The following RPSA variants were observed in gnomAD, a reference collection of about 807,000 sequenced individuals.
RPSA encodes small ribosomal subunit protein uS2.
For synonymous variants in RPSA, 103 were observed against 126.7 expected (o/e 0.81, Z 1.25); for missense variants, 140 against 372.8 (o/e 0.38, Z 5.14).
chr3:39,408,769 T>TA, intron 3 of RPSA, 45 bp downstream of exon 3: 2 of 1,076,068 alleles, frequency 1.9e-6, no homozygotes, highest in Non-Finnish European at 2.9e-6. Context: ...AAATAAAGCT[T>TA]ACAGACATTG....
At chr3:39,410,558 T>G in intron 3 of RPSA, 196 bp from the exon 4 acceptor site, 1 of 629,740 alleles carries the variant, frequency 1.6e-6, no homozygotes, top group South Asian at 1.9e-5. Flanking sequence ...GGATATATAG[T>G]AGAAAAACAA....
At chr3:39,407,569 G>T (rs1345159397) in intron 1 of RPSA, 52 bp from the exon 2 acceptor site, 3 of 1,362,010 alleles carry the variant, frequency 2.2e-6, no homozygotes, top group Non-Finnish European at 3.1e-6. Flanking sequence ...TTAAGGGTGT[G>T]CCCTACTTAA....
chr3:39,409,041 G>A (rs1319855239), intron 3 of RPSA: 4 of 245,978 alleles, frequency 1.6e-5, no homozygotes, highest in East Asian at 8.5e-5. Flanking sequence ...GCTGAGATGC[G>A]CCACTGTACT....
At chr3:39,410,717 G>T in intron 3 of RPSA, 37 bp from the exon 4 acceptor site, 1 of 1,613,744 alleles carries the variant, frequency 6.2e-7, no homozygotes, top group Non-Finnish European at 8.5e-7. Context: ...TGTTGCTGTG[G>T]AATATCGAGT....
chr3:39,411,835 T>C (rs955636217), intron 5 of RPSA, 58 bp downstream of exon 5: 89 of 1,599,432 alleles, frequency 5.6e-5, no homozygotes, highest in Non-Finnish European at 7.2e-5. Context: ...TGGACTGTGC[T>C]TCTAGGAAGC....
At chr3:39,408,264 T>TG (rs1383807711) in intron 2 of RPSA, 2 of 460,334 alleles carry the variant, frequency 4.3e-6, no homozygotes, top group Non-Finnish European at 8.2e-6. Context: ...GGATGAATCT[T>TG]GCATCAGTGC....
In RPSA at chr3:39,410,939, G is replaced by T. The variant is rs200785492; in HGVS notation, c.438G>T (p.Ala146=). 6 of 1,595,424 alleles carry T rather than the reference G, an allele frequency of 3.8e-6. 1 individual carries two copies. The South Asian group carries it at 5.5e-5, about 15-fold the overall frequency. The change falls in exon 4 of 7, where the codon GCG becomes GCT. Residue 146 remains alanine (A), a synonymous_variant. Coordinates refer to ENST00000301821, the MANE Select transcript of RPSA (RefSeq NM_002295.6). ...CTTATGTTAACCTACCTACCATTGC[G>T]CTGTGTAACACAGATTCTCCTCTGC... is the stretch of plus-strand genomic sequence containing the variant. ...EASYVNLPTI[A]LCNTDSPLRY...
intron 4 of RPSA, 180 bp from the exon 5 acceptor site, chr3:39,411,469 C>G (rs1345240005): frequency 1.5e-6 from 1 of 659,322 alleles, no homozygotes; most frequent in Non-Finnish European, 2.5e-6. Flanking sequence ...TTTTCAATCC[C>G]TATGATTCCA....
At chr3:39,407,294 C>T (rs2041933310) in intron 1 of RPSA, among the ~76,000 whole-genome samples, 1 of 152,174 alleles carries the variant, frequency 6.6e-6, no homozygotes, top group Non-Finnish European at 1.5e-5. Flanking sequence ...TTGCATATTC[C>T]AAACATGGCT....
intron 2 of RPSA, 83 bp downstream of exon 2, chr3:39,407,869 ATTTC>A (rs1271810635): frequency 4.8e-5 from 51 of 1,055,210 alleles, no homozygotes; most frequent in Non-Finnish European, 6.5e-5. Flanking sequence ...GTTCTGGGTA[ATTTC>A]TTTCTATCTT....
chr3:39,411,878 T>C lies in RPSA; in HGVS notation c.628-18T>C. ...GTCAGTCCCTGTAAGTCTTTCCTCT[T>C]TTTTTTTTGTAACCCAGATTGAAAA... On this transcript the variant is annotated intron_variant, in intron 5 of 6. Coordinates refer to ENST00000301821, the MANE Select transcript of RPSA (RefSeq NM_002295.6). The C allele has an allele frequency of 6.3e-7, 1 of 1,586,476 alleles. No individual in the cohort carries two copies. The highest frequency in any genetic ancestry group is 8.5e-7 in the Non-Finnish European group (1 of 1,170,430).
At chr3:39,412,137 G>C in intron 6 of RPSA, 76 bp downstream of exon 6, 2 of 1,459,210 alleles carry the variant, frequency 1.4e-6, no homozygotes, top group South Asian at 1.1e-5. Context: ...AATGATCTCT[G>C]TGACTTTTAT....
At position 39,410,743 on chromosome 3, in the gene RPSA, A is replaced by T; in HGVS notation, c.253-11A>T. 4 of 1,613,860 alleles carry T rather than the reference A, an allele frequency of 2.5e-6. No homozygotes were observed. The highest frequency in any genetic ancestry group is 3.4e-6 in the Non-Finnish European group (4 of 1,179,852). ...AATATCGAGTACCACTAACTTTTAA[A>T]TTCTTCAAAGAGGGCTGTGCTGAAG... is the stretch of plus-strand genomic sequence containing the variant. On this transcript the variant is annotated splice_polypyrimidine_tract_variant and intron_variant, in intron 3 of 6. Transcript: ENST00000301821.
At chr3:39,406,823 C>G (rs561475606) in intron 1 of RPSA, 59 bp downstream of exon 1, 13 of 455,228 alleles carry the variant, frequency 2.9e-5, no homozygotes, top group African/African-American at 2.6e-4. Context: ...GCTTTTCCTG[C>G]TCAAATGAAG....
At chr3:39,407,046 A>AT in intron 1 of RPSA, 1 of 454,792 alleles carries the variant, frequency 2.2e-6, no homozygotes, top group South Asian at 1.6e-5. Flanking sequence ...GCGGGCTAAC[A>AT]TCCTGTGTTG....
At position 39,411,920 on chromosome 3, in the gene RPSA, G is replaced by A. The variant is rs1417172552; in HGVS notation, c.652G>A (p.Ala218Thr). The A allele has an allele frequency of 1.9e-6, 3 of 1,599,618 alleles. No individual in the cohort carries two copies. The highest frequency in any genetic ancestry group is 2.5e-6 in the Non-Finnish European group (3 of 1,179,896). ...EEIEKEEQAAAEKAVTKEEFQ... is the reference protein window; with the variant it reads ...EEIEKEEQAATEKAVTKEEFQ... Reference sequence around the variant, plus strand: ...GATTGAAAAAGAAGAGCAGGCTGCTGCTGAGAAGGCAGTGACCAAGGAGGA... The same window carrying A: ...GATTGAAAAAGAAGAGCAGGCTGCTACTGAGAAGGCAGTGACCAAGGAGGA... Residue 218 changes from alanine to threonine, a missense_variant, in exon 6 of 7, where the codon GCT becomes ACT. Transcript: ENST00000301821.
intron 3 of RPSA, chr3:39,408,930 C>T: frequency 2.0e-6 from 1 of 510,132 alleles, no homozygotes; most frequent in African/African-American, 1.9e-5. Context: ...ACTAAAAATA[C>T]AAAAAATTAG....
chr3:39,410,575 CTTT>C, intron 3 of RPSA, 176 bp from the exon 4 acceptor site: 3 of 689,660 alleles, frequency 4.3e-6, no homozygotes. Flanking sequence ...ACAAGCCTGT[CTTT>C]TTTAATGTAT....
chr3:39,411,342 A>G (rs557916285), intron 4 of RPSA: 11 of 581,250 alleles, frequency 1.9e-5, no homozygotes, highest in Admixed American at 4.9e-5. Flanking sequence ...GATGGGTTCT[A>G]CTATAAGATG....
Sources: allele counts gnomAD v4.1 joint callset (sites outside exome capture counted in the v4.1 genomes callset), GRCh38; gene constraint gnomAD v4.1.1; transcripts MANE v1.5; gene names NCBI Gene and HGNC (gene_info 2026-07-23, HGNC 2026-07-21).